Variants in EYS observed in about 807,000 individuals in gnomAD.
The protein encoded by EYS is EGF-like photoreceptor maintenance factor.
A neutral mutation model predicts 282.1 loss-of-function variants in EYS; 250 were observed. The ratio of observed to expected loss-of-function variants is 0.89; its 90% CI spans 0.80 to 0.98. EYS has a LOEUF of 0.98. EYS is among the 50% of genes least tolerant of loss of function. EYS has a pLI of 0.00. For synonymous variants in EYS, 1,355 were observed against 1,282.9 expected (o/e 1.06, Z -1.20); for missense variants, 4,016 against 3,709.0 (o/e 1.08, Z -2.15).
At position 64,471,900 on chromosome 6, in the gene EYS, G is replaced by T. The variant is rs1430653794; in HGVS notation, c.5645-32548C>A. On this transcript the variant is annotated intron_variant, in intron 26 of 42. Coordinates refer to ENST00000503581, the MANE Select transcript of EYS (RefSeq NM_001142800.2). ...AAGACATAAGTTCTAGTCTTCAATA[G>T]CACAGTAGGGTGACTGTAGTTAACA... Among the ~76,000 whole-genome samples, 3 of 152,148 alleles carry T rather than the reference G, an allele frequency of 2.0e-5. No homozygotes were observed. In the South Asian group the frequency reaches 6.2e-4, roughly 32 times the overall value.
At chr6:64,275,329 T>C (rs1377432867) in intron 30 of EYS, among the ~76,000 whole-genome samples, 2 of 152,218 alleles carry the variant, frequency 1.3e-5, no homozygotes, top group East Asian at 3.8e-4. Context: ...GGAGTATGCA[T>C]AAGTCTGTAC....
At chr6:64,592,611 A>G (rs1766447736) in intron 25 of EYS, among the ~76,000 whole-genome samples, 2 of 152,288 alleles carry the variant, frequency 1.3e-5, no homozygotes, top group South Asian at 2.1e-4. Flanking sequence ...TTAATATACA[A>G]TGTACTGTTT....
chr6:64,173,669 C>T (rs1281001776), intron 31 of EYS, among the ~76,000 whole-genome samples: 1 of 152,078 alleles, frequency 6.6e-6, no homozygotes, highest in Non-Finnish European at 1.5e-5. Flanking sequence ...AGTGTGATAC[C>T]TTAATGGGAA....
At chr6:65,398,386 T>G (rs1001921547) in intron 7 of EYS, among the ~76,000 whole-genome samples, 1 of 152,012 alleles carries the variant, frequency 6.6e-6, no homozygotes, top group Non-Finnish European at 1.5e-5. Flanking sequence ...GAACATCCTA[T>G]TCAATAAATA....
chr6:64,884,025 A>G (rs1767006340), intron 19 of EYS, among the ~76,000 whole-genome samples: 1 of 151,638 alleles, frequency 6.6e-6, no homozygotes, highest in African/African-American at 2.4e-5. Context: ...CTAATAGAAT[A>G]CAAATCATAA....
chr6:64,798,510 T>G (rs990473682), intron 22 of EYS, among the ~76,000 whole-genome samples: 1 of 151,372 alleles, frequency 6.6e-6, no homozygotes, highest in African/African-American at 2.4e-5. Context: ...TGCCATGTTA[T>G]CCATGTAGTT....
chr6:64,807,570 T>C (rs1764469698), intron 22 of EYS, among the ~76,000 whole-genome samples: 1 of 152,206 alleles, frequency 6.6e-6, no homozygotes, highest in African/African-American at 2.4e-5. Context: ...ATCTTATCTA[T>C]TATTTGTCAT....
At chr6:64,527,781 G>A (rs191593210) in intron 26 of EYS, among the ~76,000 whole-genome samples, 2 of 151,690 alleles carry the variant, frequency 1.3e-5, no homozygotes, top group Admixed American at 1.3e-4. Context: ...CAAAGTATAT[G>A]TTTTTTGTTA....
At chr6:65,462,998 G>T (rs188763600) in intron 5 of EYS, among the ~76,000 whole-genome samples, 3 of 152,170 alleles carry the variant, frequency 2.0e-5, no homozygotes, top group Admixed American at 2.0e-4. Flanking sequence ...AACTGGAGAA[G>T]ACATTTAACT....
At chr6:64,085,625 C>A (rs757483791) in intron 31 of EYS, among the ~76,000 whole-genome samples, 1 of 151,962 alleles carries the variant, frequency 6.6e-6, no homozygotes, top group Non-Finnish European at 1.5e-5. Flanking sequence ...AGGTATGGCA[C>A]CTCATTTGTT....
At chr6:65,213,246 T>C (rs139513212) in intron 12 of EYS, among the ~76,000 whole-genome samples, 1 of 152,346 alleles carries the variant, frequency 6.6e-6, no homozygotes, top group East Asian at 1.9e-4. Context: ...GTCATCCGTG[T>C]GCGCACCTGC....
chr6:65,692,062 C>T (rs765899516), intron 1 of EYS, among the ~76,000 whole-genome samples: 6 of 150,076 alleles, frequency 4.0e-5, no homozygotes, highest in East Asian at 2.3e-4. Flanking sequence ...AAAATTTGTA[C>T]ACATAAACAC....
intron 13 of EYS, among the ~76,000 whole-genome samples, chr6:65,001,874 G>A (rs2150127982): frequency 6.8e-6 from 1 of 146,872 alleles, no homozygotes; most frequent in African/African-American, 2.4e-5. Context: ...AATATATTAT[G>A]AATGATTATA....
intron 26 of EYS, among the ~76,000 whole-genome samples, chr6:64,576,675 A>G (rs1465948623): frequency 6.6e-6 from 1 of 151,962 alleles, no homozygotes; most frequent in East Asian, 1.9e-4. Flanking sequence ...AAACAAAATA[A>G]TTTTATTTAA....
chr6:64,603,684 G>T (rs1478305410), intron 24 of EYS, among the ~76,000 whole-genome samples: 2 of 152,022 alleles, frequency 1.3e-5, no homozygotes, highest in Non-Finnish European at 2.9e-5. Flanking sequence ...GAAGTAGATG[G>T]TCATCATTCA....
intron 31 of EYS, among the ~76,000 whole-genome samples, chr6:64,127,445 A>T (rs1562214898): frequency 6.6e-6 from 1 of 152,028 alleles, no homozygotes; most frequent in Non-Finnish European, 1.5e-5. Context: ...GTTGGAGTAG[A>T]TTTTTTCCCT....
chr6:64,750,741 A>T (rs75007933), intron 22 of EYS, among the ~76,000 whole-genome samples: 1 of 152,202 alleles, frequency 6.6e-6, no homozygotes, highest in East Asian at 1.9e-4. Context: ...TAATGCATAG[A>T]GACTAACACT....
chr6:64,547,402 C>A (rs548608887), intron 26 of EYS, among the ~76,000 whole-genome samples: 1 of 152,258 alleles, frequency 6.6e-6, no homozygotes, highest in South Asian at 2.1e-4. Flanking sequence ...CTGAGCTAGA[C>A]ACAAAAGTTA....
chr6:65,629,695 G>C (rs1766845789), intron 2 of EYS, among the ~76,000 whole-genome samples: 1 of 152,030 alleles, frequency 6.6e-6, no homozygotes. Flanking sequence ...ACGGCCTTCA[G>C]GTTTCCTCCT....
Sources: allele counts gnomAD v4.1 joint callset (sites outside exome capture counted in the v4.1 genomes callset), GRCh38; gene constraint gnomAD v4.1.1; transcripts MANE v1.5; gene names NCBI Gene and HGNC (gene_info 2026-07-23, HGNC 2026-07-21).